Variants in ACLY observed in about 807,000 individuals in gnomAD.
ACLY encodes the protein ATP citrate lyase.
In ACLY, 41 loss-of-function variants were observed where a neutral mutation model predicts 133.0. The observed-to-expected ratio is 0.31, with a 90% CI of 0.24 to 0.40. The LOEUF (loss-of-function observed/expected upper bound fraction) is 0.40. Among genes scored for constraint, ACLY ranks in the 10% least tolerant of loss-of-function variants. ACLY has a pLI of 1.00. For synonymous variants in ACLY, 495 were observed against 549.3 expected (o/e 0.90, Z 1.38); for missense variants, 1,046 against 1,453.8 (o/e 0.72, Z 4.56).
intron 16 of ACLY, among the ~76,000 whole-genome samples, chr17:41,888,001 G>A (rs1274424509): frequency 1.3e-5 from 2 of 152,034 alleles, no homozygotes; most frequent in African/African-American, 2.4e-5. Flanking sequence ...GGTGGTGCGC[G>A]CCTATAATCC....
In ACLY at chr17:41,898,771, T is replaced by C. The variant is rs781825585; in HGVS notation, c.1198A>G (p.Ile400Val). 2 of 1,613,702 alleles carry C rather than the reference T, an allele frequency of 1.2e-6. No homozygotes were observed. The highest frequency in any genetic ancestry group is 2.2e-5 in the South Asian group (2 of 90,992). The change falls in exon 12 of 29, where the codon ATC becomes GTC. Residue 400 changes from isoleucine to valine, a missense_variant. Physicochemically the swap from Ile to Val is conservative, Grantham distance 29. This residue lies in a region of ACLY where 575 missense variants were observed against 804.2 expected (regional missense o/e 0.71). Coordinates refer to ENST00000352035, the MANE Select transcript of ACLY (RefSeq NM_001096.3). ...TCTGTGCCAAAGACATGGATGGGGA[T>C]CCCAGTGGTCTTCCCTGCAAGGGAA... ...VMGEVGKTTG[I>V]PIHVFGTETH...
At chr17:41,912,070 C>T (rs1023755544) in intron 3 of ACLY, among the ~76,000 whole-genome samples, 19 of 149,756 alleles carry the variant, frequency 1.3e-4, no homozygotes, top group Middle Eastern at 3.5e-3. Flanking sequence ...GCCAAGATCA[C>T]GCCACTGCAC....
chr17:41,893,236 C>A, intron 14 of ACLY, 62 bp from the exon 15 acceptor site: 1 of 1,531,336 alleles, frequency 6.5e-7, no homozygotes, highest in Non-Finnish European at 8.8e-7. Flanking sequence ...CCTGCAGGGG[C>A]CAGGGCTGCC....
Position 41,871,708 on chromosome 17 carries a change from A to G in ACLY, c.2918T>C (p.Ile973Thr), listed in dbSNP as rs782202853. ...MKKEGKLIMG[I>T]GHRVKSINNP... is the part of the protein sequence containing the mutation. ...ACTCACCGACTTCACTCGGTGACCA[A>G]TGCCCATGATCAGCTTCCCTTCCTT... Residue 973 changes from isoleucine (I) to threonine (T), a missense_variant, in exon 25 of 29, where the codon ATT (isoleucine) becomes ACT (threonine). Ile to Thr is a moderately conservative substitution (Grantham distance 89). Transcript: ENST00000352035. The G allele has an allele frequency of 2.5e-6, 4 of 1,614,044 alleles. No individual in the cohort carries two copies. The highest frequency in any genetic ancestry group is 1.7e-5 in the Admixed American group (1 of 59,982).
At chr17:41,896,716 G>T in intron 13 of ACLY, 67 bp from the exon 14 acceptor site, 1 of 1,440,878 alleles carries the variant, frequency 6.9e-7, no homozygotes, top group African/African-American at 1.4e-5. Flanking sequence ...GAGGGAGAGG[G>T]TGGGAACAGG....
At chr17:41,919,058 C>T (rs1303713635), upstream of ACLY, 1 of 1,259,980 alleles carries the variant, frequency 7.9e-7, no homozygotes, top group African/African-American at 1.6e-5. Context: ...ACACGCGTTC[C>T]CTAGCCTGAG....
chr17:41,897,441 G>A (rs4796619), intron 13 of ACLY, among the ~76,000 whole-genome samples: 133,549 of 151,842 alleles, frequency 0.88, 59,161 homozygotes, highest in East Asian at 1. Flanking sequence ...CACTTCCTGG[G>A]ATTTCTGTAA....
intron 15 of ACLY, 104 bp downstream of exon 15, chr17:41,892,929 T>G: frequency 7.0e-7 from 1 of 1,438,668 alleles, no homozygotes; most frequent in Non-Finnish European, 9.4e-7. Context: ...TTCTCCCACC[T>G]CGACCTCCCA....
intron 16 of ACLY, among the ~76,000 whole-genome samples, chr17:41,892,069 C>T (rs1403853607): frequency 6.6e-6 from 1 of 152,158 alleles, no homozygotes; most frequent in African/African-American, 2.4e-5. Context: ...AAGTCACTAT[C>T]CTGACTTCTG....
At chr17:41,927,043 T>C (rs782473013) in intron 1 of ACLY, among the ~76,000 whole-genome samples, 24 of 152,040 alleles carry the variant, frequency 1.6e-4, no homozygotes, top group Non-Finnish European at 2.8e-4. Context: ...TAATTTTGTA[T>C]TTTTAGTAGA....
At chr17:41,906,388 C>T (rs190229726) in intron 8 of ACLY, 140 bp downstream of exon 8, 72 of 701,042 alleles carry the variant, frequency 1.0e-4, no homozygotes, top group Non-Finnish European at 1.7e-4. Flanking sequence ...CAACATCCCT[C>T]GAAGCCCTCT....
chr17:41,920,263 C>A (rs971188103), upstream of ACLY, among the ~76,000 whole-genome samples: 1 of 152,164 alleles, frequency 6.6e-6, no homozygotes, highest in East Asian at 1.9e-4. Context: ...TCCCATTCAT[C>A]TTTTTGAAAT....
intron 9 of ACLY, 28 bp downstream of exon 9, chr17:41,905,494 C>G: frequency 1.2e-6 from 2 of 1,613,980 alleles, no homozygotes; most frequent in Non-Finnish European, 1.7e-6. Flanking sequence ...GAAGTGGGGA[C>G]AGGTATGTGT....
At chr17:41,898,871 GC>G in intron 11 of ACLY, 86 bp from the exon 12 acceptor site, 1 of 1,359,366 alleles carries the variant, frequency 7.4e-7, no homozygotes, top group Non-Finnish European at 1.0e-6. Context: ...GCCTTTTACA[GC>G]CATGATCAGT....
upstream of ACLY, among the ~76,000 whole-genome samples, chr17:41,922,093 G>A (rs1302113688): frequency 6.6e-6 from 1 of 152,116 alleles, no homozygotes; most frequent in Non-Finnish European, 1.5e-5. Flanking sequence ...TTACTCGGGA[G>A]GCTGGCTGGG....
At chr17:41,929,094 C>CTT (rs111865267) in intron 1 of ACLY, among the ~76,000 whole-genome samples, 87 of 133,538 alleles carry the variant, frequency 6.5e-4, no homozygotes, top group East Asian at 1.7e-3. Context: ...ATGTTATTTC[C>CTT]TTTTTTTTTT....
chr17:41,887,497 A>G, intron 17 of ACLY, 102 bp downstream of exon 17: 1 of 946,476 alleles, frequency 1.1e-6, no homozygotes, highest in South Asian at 1.4e-5. Flanking sequence ...AATCTTCTCA[A>G]CCTAGGAGGG....
At position 41,872,190 on chromosome 17, in the gene ACLY, G is replaced by A. The variant is rs782308611; in HGVS notation, c.2643-8C>T. 1.3e-6 allele frequency: 2 copies of A among 1,549,300 alleles called. No homozygotes were observed. The highest frequency in any genetic ancestry group is 2.2e-5 in the East Asian group (1 of 44,862). ...CAAGAGTACTTAGGCAACCTGGAGT[G>A]GGGGGAACAAAGGCCAGGAGATGGT... is the stretch of plus-strand genomic sequence containing the variant. On this transcript the variant is annotated splice_polypyrimidine_tract_variant and splice_region_variant and intron_variant, in intron 23 of 28. Coordinates refer to ENST00000352035, the MANE Select transcript of ACLY (RefSeq NM_001096.3).
intron 14 of ACLY, among the ~76,000 whole-genome samples, chr17:41,894,635 C>G (rs2049315333): frequency 6.6e-6 from 1 of 151,294 alleles, no homozygotes; most frequent in Non-Finnish European, 1.5e-5. Context: ...ATCTCATGCA[C>G]CCCTACTATG....
Sources: gnomAD v4.1 joint callset for allele counts (sites outside exome capture counted in the v4.1 genomes callset) on GRCh38, gnomAD v4.1.1 for gene constraint, gnomAD v4.1.1 regional missense constraint, MANE v1.5 for transcripts, NCBI Gene and HGNC (gene_info 2026-07-23, HGNC 2026-07-21) for gene names.